SCML2: variants seen among roughly 807,000 people sequenced by gnomAD.
SCML2 encodes Scm polycomb group protein like 2, also known as sex comb on midleg-like protein 2.
Under a neutral mutation model 48.4 loss-of-function variants are expected in SCML2, and 6 were observed. The observed-to-expected ratio is 0.12, with a 90% CI of 0.07 to 0.24. SCML2 has a LOEUF of 0.24. Among genes scored for constraint, SCML2 ranks in the 10% least tolerant of loss-of-function variants. SCML2 has a pLI of 1.00. For missense variants in SCML2, 377 were observed against 528.2 expected, an observed-to-expected ratio of 0.71 and a Z score of 2.81; for synonymous variants, 181 against 189.5, an observed-to-expected ratio of 0.95 and a Z score of 0.37.
intron 7 of SCML2, among the ~76,000 whole-genome samples, chrX:18,267,510 T>C (rs1283538068): frequency 3.6e-5 from 4 of 111,603 alleles, no homozygotes; most frequent in South Asian, 7.5e-4. Context: ...AGCTATCTTT[T>C]TCCAGGAAGG....
At chrX:18,275,969 G>A (rs1052362829) in intron 7 of SCML2, among the ~76,000 whole-genome samples, 4 of 112,378 alleles carry the variant, frequency 3.6e-5, no homozygotes. Flanking sequence ...CTTGTACACT[G>A]CTAGTGAGAA....
chrX:18,351,171 G>A (rs1302429475), intron 1 of SCML2, among the ~76,000 whole-genome samples: 1 of 110,086 alleles, frequency 9.1e-6, no homozygotes, highest in Non-Finnish European at 1.9e-5. Context: ...TCAGGAGGCT[G>A]AGGTGGGAAA....
intron 5 of SCML2, among the ~76,000 whole-genome samples, chrX:18,322,842 C>T (rs1929365507): frequency 2.7e-5 from 3 of 109,733 alleles, no homozygotes; most frequent in East Asian, 5.7e-4. Flanking sequence ...TGCAGTGAGC[C>T]GAGATCACAC....
Position 18,292,659 on chromosome X carries a change from C to T in SCML2, c.730+12313G>A, listed in dbSNP as rs765705133. The stretch of plus-strand genomic sequence containing the variant: ...TTTAAAAAAAAGCCACAGATAAAAG[C>T]AAAAGTCCCCATTACCACTTCCCTT... On this transcript the variant is annotated intron_variant, in intron 7 of 14. Coordinates refer to ENST00000251900, the MANE Select transcript of SCML2 (RefSeq NM_006089.3). 1.4e-4 allele frequency among the ~76,000 whole-genome samples: 15 copies of T among 110,597 alleles called. No homozygotes were observed. The South Asian group carries it at 5.0e-3, about 37-fold the overall frequency.
intron 1 of SCML2, among the ~76,000 whole-genome samples, chrX:18,350,470 GGAGGCT>G (rs1396155421): frequency 9.1e-6 from 1 of 110,364 alleles, no homozygotes; most frequent in Non-Finnish European, 1.9e-5. Flanking sequence ...CAGCTACTTG[GGAGGCT>G]GAGGCAGGAG....
At chrX:18,251,039 T>C (rs989171898) in intron 11 of SCML2, among the ~76,000 whole-genome samples, 3 of 110,298 alleles carry the variant, frequency 2.7e-5, no homozygotes, top group Non-Finnish European at 5.7e-5. Flanking sequence ...CCCCCATGAT[T>C]CAATTACCTC....
At chrX:18,336,064 G>A (rs956378767) in intron 1 of SCML2, among the ~76,000 whole-genome samples, 12 of 111,824 alleles carry the variant, frequency 1.1e-4, no homozygotes, top group Non-Finnish European at 1.9e-4. Flanking sequence ...TAGGCAGTCC[G>A]GAAATAGACC....
intron 1 of SCML2, among the ~76,000 whole-genome samples, chrX:18,350,394 G>A (rs1197173127): frequency 9.2e-6 from 1 of 109,241 alleles, no homozygotes; most frequent in African/African-American, 3.3e-5. Flanking sequence ...TGGCCAACAT[G>A]GTAAAACCCC....
intron 7 of SCML2, among the ~76,000 whole-genome samples, chrX:18,295,811 C>A (rs1396799556): frequency 8.9e-6 from 1 of 112,498 alleles, no homozygotes. Flanking sequence ...CAGCCTCAAA[C>A]AACAACTGCA....
chrX:18,283,120 T>A (rs745699933), intron 7 of SCML2, among the ~76,000 whole-genome samples: 7 of 112,166 alleles, frequency 6.2e-5, no homozygotes, highest in African/African-American at 1.9e-4. Context: ...CAGGCTTTAT[T>A]CCTGGGATGC....
chrX:18,326,037 T>G (rs919791874), intron 3 of SCML2, among the ~76,000 whole-genome samples: 3 of 112,244 alleles, frequency 2.7e-5, no homozygotes, highest in Non-Finnish European at 3.8e-5. Flanking sequence ...CTGACAGCGT[T>G]TGCAGATTTC....
chrX:18,250,431 G>A (rs1926610396), intron 11 of SCML2, among the ~76,000 whole-genome samples: 1 of 109,309 alleles, frequency 9.1e-6, no homozygotes, highest in South Asian at 4.1e-4. Context: ...ACCCAGGCTG[G>A]AGTGCAGTGG....
At position 18,239,562 on chromosome X, in the gene SCML2, CT is replaced by C. The variant is rs772833475; in HGVS notation, c.*1688del. The C allele has an allele frequency of 8.9e-5, 10 of 112,683 alleles. No homozygotes were observed. Among genetic ancestry groups the C allele is most frequent in the Non-Finnish European group, 1.7e-4 (9 of 53,321 alleles). 9.3% of individuals were successfully genotyped at this position (112,683 alleles called of 1,213,427 possible). ...AAAAAGAAAATGTACATTCTTGCCCCTGGTGAATATTTTATTGGCATTTACA... is the reference window on the plus strand; with the variant it reads ...AAAAAGAAAATGTACATTCTTGCCCCGGTGAATATTTTATTGGCATTTACA... On this transcript the variant is annotated 3_prime_UTR_variant, in exon 15 of 15. Transcript: ENST00000251900.
At chrX:18,311,260 C>T (rs1699781340) in intron 6 of SCML2, among the ~76,000 whole-genome samples, 1 of 111,896 alleles carries the variant, frequency 8.9e-6, no homozygotes, top group Non-Finnish European at 1.9e-5. Flanking sequence ...ATTCCGGACA[C>T]TACTGAAGGT....
In SCML2 at chrX:18,262,184, CTA is replaced by C. The variant is rs1266757168; in HGVS notation, c.949-1895_949-1894del. Among the ~76,000 whole-genome samples, 4 of 107,871 alleles carry C rather than the reference CTA, an allele frequency of 3.7e-5. No homozygotes were observed. The East Asian group carries it at 1.1e-3, about 31-fold the overall frequency. 93.7% of individuals were successfully genotyped at this position (107,871 alleles called of 115,157 possible). ...CAGCCACAAGAGATCTGAAAAGATT[CTA>C]TGTCTTTATATTTAGAGTGCATCTC... On this transcript the variant is annotated intron_variant, in intron 8 of 14. Coordinates refer to ENST00000251900, the MANE Select transcript of SCML2 (RefSeq NM_006089.3).
chrX:18,330,455 G>A, intron 3 of SCML2, 132 bp downstream of exon 3: 1 of 320,614 alleles, frequency 3.1e-6, no homozygotes, highest in Admixed American at 6.1e-5. Flanking sequence ...ATTACATTTT[G>A]TATTTACAGA....
rs146290568 is a variant in SCML2, at chrX:18,315,362, T to G, written c.486+4970A>C. ...GACCTAACAGGCCATATTGAAAAAC[T>G]TATACTTCTTCCTGAGTATAACCAG... On this transcript the variant is annotated intron_variant, in intron 6 of 14. Transcript: ENST00000251900. Among the ~76,000 whole-genome samples the G allele has an allele frequency of 8.8e-3, 978 of 111,358 alleles. 3 individuals are homozygous for G. The highest frequency in any genetic ancestry group is 0.031 in the African/African-American group (949 of 30,628).
chrX:18,317,215 T>A (rs1375504094), intron 6 of SCML2, among the ~76,000 whole-genome samples: 2 of 111,721 alleles, frequency 1.8e-5, no homozygotes, highest in African/African-American at 6.5e-5. Flanking sequence ...AAAACATACA[T>A]CCCTTTGAAC....
chrX:18,245,070 T>C (rs374752763), intron 13 of SCML2, among the ~76,000 whole-genome samples: 1 of 111,762 alleles, frequency 8.9e-6, no homozygotes, highest in African/African-American at 3.3e-5. Flanking sequence ...GACTTCAAAT[T>C]TCTTACCTGA....
Sources: allele counts gnomAD v4.1 joint callset (sites outside exome capture counted in the v4.1 genomes callset), GRCh38; gene constraint gnomAD v4.1.1; transcripts MANE v1.5; gene names NCBI Gene and HGNC (gene_info 2026-07-23, HGNC 2026-07-21).